The following FHAD1 variants were observed in gnomAD, a reference collection of about 807,000 sequenced individuals.
The protein encoded by FHAD1 is forkhead-associated domain-containing protein 1.
In FHAD1, 146 loss-of-function variants were observed where a neutral mutation model predicts 191.3. The observed-to-expected ratio is 0.76, with a 90% confidence interval of 0.67 to 0.88. FHAD1 has a LOEUF of 0.88. Among genes scored for constraint, FHAD1 ranks in the 40% least tolerant of loss-of-function variants. FHAD1 has a pLI of 0.00. For synonymous variants in FHAD1, 616 were observed against 672.3 expected (o/e 0.92, Z 1.29); for missense variants, 1,635 against 1,785.8 (o/e 0.92, Z 1.52).
chr1:15,323,567 A>G (rs1677098737), intron 10 of FHAD1, among the ~76,000 whole-genome samples: 1 of 152,162 alleles, frequency 6.6e-6, no homozygotes, highest in Non-Finnish European at 1.5e-5. Context: ...TAGCCCCCTA[A>G]TAAACCACTT....
downstream of FHAD1, among the ~76,000 whole-genome samples, chr1:15,399,016 T>C (rs1706810947): frequency 6.6e-6 from 1 of 152,084 alleles, no homozygotes; most frequent in Non-Finnish European, 1.5e-5. Context: ...GAGATGGGGT[T>C]TCACCATGTT....
chr1:15,239,867 T>G (rs2100509025), intron 1 of FHAD1, among the ~76,000 whole-genome samples: 1 of 150,700 alleles, frequency 6.6e-6, no homozygotes. Context: ...TGGAAAAATG[T>G]TTGTCAGAAT....
rs528705039 is a variant in FHAD1, at chr1:15,351,769, T to C, written c.2455-1108T>C. 7.3e-5 allele frequency among the ~76,000 whole-genome samples: 11 copies of C among 151,700 alleles called. 1 individual carries two copies. The South Asian group carries it at 2.3e-3, about 32-fold the overall frequency. Reference sequence around the variant, plus strand: ...GCTCTCCAGGGCACAGATTGGACCATCTTAAGCAAAGACTCAACAGTGAGA... The same window carrying C: ...GCTCTCCAGGGCACAGATTGGACCACCTTAAGCAAAGACTCAACAGTGAGA... On this transcript the variant is annotated intron_variant, in intron 19 of 33. Coordinates refer to ENST00000688493, the MANE Select transcript of FHAD1 (RefSeq NM_001391957.1).
intron 3 of FHAD1, among the ~76,000 whole-genome samples, chr1:15,274,294 G>T (rs778425749): frequency 5.3e-5 from 8 of 152,180 alleles, no homozygotes; most frequent in Non-Finnish European, 1.2e-4. Flanking sequence ...TTCTGAAGGA[G>T]CAAAAGAATG....
At chr1:15,373,770 G>A (rs140845854) in intron 26 of FHAD1, among the ~76,000 whole-genome samples, 10 of 152,228 alleles carry the variant, frequency 6.6e-5, no homozygotes, top group South Asian at 2.1e-4. Context: ...TCGCTTGAGC[G>A]CAGAGGTAGA....
At chr1:15,280,704 A>G (rs74053875) in intron 3 of FHAD1, among the ~76,000 whole-genome samples, 3,164 of 152,266 alleles carry the variant, frequency 0.021, 115 homozygotes, top group African/African-American at 0.072. Flanking sequence ...CAGTCACTCA[A>G]TCTGGCAAGA....
chr1:15,334,919 G>A (rs1361143710), intron 14 of FHAD1, among the ~76,000 whole-genome samples: 4 of 152,122 alleles, frequency 2.6e-5, no homozygotes, highest in Non-Finnish European at 4.4e-5. Context: ...AGTGGGCCTC[G>A]GGTCCCGGCT....
Position 15,325,055 on chromosome 1 carries a change from G to A in FHAD1, c.1473+496G>A, listed in dbSNP as rs1350408580. ...GGCTGTGGGTGAGCCACTCCGACCT[G>A]GTCTGGAGGTGCTGTTTCTTTGATG... is the stretch of plus-strand genomic sequence containing the variant. On this transcript the variant is annotated intron_variant, in intron 11 of 33. Coordinates refer to ENST00000688493, the MANE Select transcript of FHAD1 (RefSeq NM_001391957.1). The surrounding 1 kb of genome is among the most constrained non-coding windows in gnomAD (Gnocchi z 4.6). 6.4e-6 allele frequency: 1 copy of A among 157,178 alleles called. No homozygotes were observed. The highest frequency in any genetic ancestry group is 1.4e-5 in the Non-Finnish European group (1 of 70,912). The allele number at this position is 157,178 out of a possible 1,614,324, so 9.7% of individuals were successfully genotyped here. A position where few individuals can be genotyped will look rare whatever the true frequency, so the allele number is the denominator to read the frequency against.
At chr1:15,336,854 C>G (rs1684346591) in intron 14 of FHAD1, among the ~76,000 whole-genome samples, 1 of 152,192 alleles carries the variant, frequency 6.6e-6, no homozygotes, top group Non-Finnish European at 1.5e-5. Flanking sequence ...TTTTGAAACC[C>G]TTTAGGCGCT....
At chr1:15,359,425 G>A (rs1217981354) in intron 21 of FHAD1, among the ~76,000 whole-genome samples, 1 of 152,136 alleles carries the variant, frequency 6.6e-6, no homozygotes, top group South Asian at 2.1e-4. Flanking sequence ...GGTGAGGTGG[G>A]AGCAGAAGGC....
In FHAD1 at chr1:15,278,926, C is replaced by A. The variant is rs72864807; in HGVS notation, c.300+6397C>A. Among the ~76,000 whole-genome samples, 1,214 of 152,170 alleles carry A rather than the reference C, an allele frequency of 8.0e-3. 9 individuals carry two copies. Among genetic ancestry groups the A allele is most frequent in the African/African-American group, 0.027 (1,112 of 41,518 alleles). On this transcript the variant is annotated intron_variant, in intron 3 of 33. Transcript: ENST00000688493. The stretch of plus-strand genomic sequence containing the variant: ...GAATATTTATAAATTTTACCTGTTT[C>A]TTCAACTGGAAGTTTTTTTTTAAAA...
At chr1:15,341,689 T>G (rs1686742385) in intron 15 of FHAD1, 47 bp from the exon 16 acceptor site, 1 of 1,477,694 alleles carries the variant, frequency 6.8e-7, no homozygotes. Context: ...GACTCTTTAG[T>G]TAGGCCTGTC....
chr1:15,367,707 T>A, intron 25 of FHAD1, 85 bp downstream of exon 25: 1 of 1,137,898 alleles, frequency 8.8e-7, no homozygotes, highest in Middle Eastern at 2.9e-4. Flanking sequence ...GCTCAGTACA[T>A]GCTGCTTGAG....
intron 10 of FHAD1, among the ~76,000 whole-genome samples, chr1:15,320,963 T>C (rs1165972942): frequency 6.6e-6 from 1 of 152,150 alleles, no homozygotes; most frequent in Non-Finnish European, 1.5e-5. Flanking sequence ...TGAGACAGAG[T>C]CTTGCTCTAT....
intron 19 of FHAD1, among the ~76,000 whole-genome samples, chr1:15,351,114 G>A (rs1690699557): frequency 6.6e-6 from 1 of 152,188 alleles, no homozygotes; most frequent in African/African-American, 2.4e-5. Context: ...GGAGGCCAAG[G>A]CAGACAGATC....
rs376014921 is a variant in FHAD1, at chr1:15,389,266, CAA to C, written c.4269+1138_4269+1139del. Among the ~76,000 whole-genome samples the C allele has an allele frequency of 1.2e-4, 18 of 151,786 alleles. No homozygotes were observed. The East Asian group carries it at 2.1e-3, about 18-fold the overall frequency. ...TTCAAGACCAGCCTGGGCAACATGG[CAA>C]AACCCTGGCTCTACAAAAGCACAAA... On this transcript the variant is annotated intron_variant, in intron 32 of 33. Coordinates refer to ENST00000688493, the MANE Select transcript of FHAD1 (RefSeq NM_001391957.1).
rs532277140 is a variant in FHAD1, at chr1:15,342,736, C to T, written c.2130+848C>T. Among the ~76,000 whole-genome samples, 56 of 152,196 alleles carry T rather than the reference C, an allele frequency of 3.7e-4. No homozygotes were observed. The South Asian group carries it at 0.01, about 28-fold the overall frequency. On this transcript the variant is annotated intron_variant, in intron 16 of 33. Coordinates refer to ENST00000688493, the MANE Select transcript of FHAD1 (RefSeq NM_001391957.1). Reference sequence around the variant, plus strand: ...GTGCAATAGTGTGACCATAGCTCACCACAGCCTCGAACTCCCAGGCTGCAG... The same window carrying T: ...GTGCAATAGTGTGACCATAGCTCACTACAGCCTCGAACTCCCAGGCTGCAG...
rs1658485489 is a variant in FHAD1 at position 15,276,636 on chromosome 1, AC to A, written c.300+4110del. Reference sequence around the variant, plus strand: ...GCCAACATAGTGAAACCCCATGTCTACCCAAAACACAAAAAATTAGCCAGGC... The same window carrying A: ...GCCAACATAGTGAAACCCCATGTCTACCAAAACACAAAAAATTAGCCAGGC... On this transcript the variant is annotated intron_variant, in intron 3 of 33. Transcript: ENST00000688493. The surrounding 1 kb of genome is among the most constrained non-coding windows in gnomAD (Gnocchi z 4.7). Among the ~76,000 whole-genome samples, 1 of 152,136 alleles carries A rather than the reference AC, an allele frequency of 6.6e-6. No individual in the cohort carries two copies. Among genetic ancestry groups the A allele is most frequent in the South Asian group, 2.1e-4 (1 of 4,826 alleles).
chr1:15,256,391 G>A (rs1331383131), intron 2 of FHAD1, among the ~76,000 whole-genome samples: 17 of 152,156 alleles, frequency 1.1e-4, no homozygotes, highest in Admixed American at 8.5e-4. Flanking sequence ...GGTGGCTCAC[G>A]CCTGTAATTC....
Sources: gnomAD v4.1 joint callset for allele counts (sites outside exome capture counted in the v4.1 genomes callset) on GRCh38, gnomAD v4.1.1 for gene constraint, Gnocchi (gnomAD v3.1) non-coding constraint, MANE v1.5 for transcripts, NCBI Gene and HGNC (gene_info 2026-07-23, HGNC 2026-07-21) for gene names.